Variants in JPH2 observed in about 807,000 individuals in gnomAD.
The protein encoded by JPH2 is junctophilin 2, also known as junctophilin-2.
In JPH2, 38 loss-of-function variants were observed where a neutral mutation model predicts 55.9. The ratio of observed to expected loss-of-function variants is 0.68; its 90% CI spans 0.52 to 0.89. The LOEUF (loss-of-function observed/expected upper bound fraction) is 0.89, where lower values mean the gene tolerates loss of function less well. JPH2 is among the 40% of genes least tolerant of loss of function. JPH2 has a pLI of 0.00. For missense variants in JPH2, 964 were observed against 1,037.6 expected, an observed-to-expected ratio of 0.93 and a Z score of 0.97; for synonymous variants, 480 against 472.4, an observed-to-expected ratio of 1.02 and a Z score of -0.21.
chr20:44,177,941 G>T lies in JPH2; in HGVS notation c.379+8386C>A. ...CTTCATTGTCTTGTTTCATTGTCTCGACCATATTCTGAGGGCGATTTTAAC... is the reference window on the plus strand; with the variant it reads ...CTTCATTGTCTTGTTTCATTGTCTCTACCATATTCTGAGGGCGATTTTAAC... On this transcript the variant is annotated intron_variant, in intron 1 of 5. Coordinates refer to ENST00000372980, the MANE Select transcript of JPH2 (RefSeq NM_020433.5). 2.2e-6 allele frequency: 3 copies of T among 1,379,382 alleles called. No homozygotes were observed. The South Asian group carries it at 3.5e-5, about 16-fold the overall frequency. The allele number at this position is 1,379,382 out of a possible 1,614,324, so 85.4% of individuals were successfully genotyped here.
At chr20:44,164,672 AAAC>A (rs2072641569) in intron 1 of JPH2, among the ~76,000 whole-genome samples, 1 of 5,640 alleles carries the variant, frequency 1.8e-4, no homozygotes, top group South Asian at 3.0e-3. Flanking sequence ...AAGCCTCAAA[AAAC>A]AAACAAACAA....
intron 2 of JPH2, among the ~76,000 whole-genome samples, chr20:44,148,811 C>T (rs1178848546): frequency 4.6e-5 from 7 of 152,076 alleles, no homozygotes; most frequent in Non-Finnish European, 1.0e-4. Context: ...CGCCTGTAAT[C>T]CCAGCACTTT....
In JPH2 at chr20:44,159,453, G is replaced by C. The variant is rs900188720; in HGVS notation, c.1169+165C>G. On this transcript the variant is annotated intron_variant, in intron 2 of 5. Transcript: ENST00000372980. The surrounding 1 kb of genome is among the most constrained non-coding windows in gnomAD (Gnocchi z 5.7). ...CTGAGTGATGGATGGATGGGTGAGT[G>C]AACAGGAGCCACCAGCTCCCGAAGA... Among the ~76,000 whole-genome samples the C allele has an allele frequency of 6.6e-6, 1 of 152,102 alleles. No individual in the cohort carries two copies. Among genetic ancestry groups the C allele is most frequent in the Non-Finnish European group, 1.5e-5 (1 of 68,000 alleles).
chr20:44,186,605 C>A lies in JPH2; in HGVS notation c.101G>T (p.Gly34Val). 1 of 1,613,412 alleles carries A rather than the reference C, an allele frequency of 6.2e-7. No individual in the cohort carries two copies. The highest frequency in any genetic ancestry group is 8.5e-7 in the Non-Finnish European group (1 of 1,180,022). Residue 34 changes from glycine (G) to valine (V), a missense_variant, in exon 1 of 6, where the codon GGC (glycine) becomes GTC (valine). Transcript: ENST00000372980. ...CCAGGAGCCAGAGTATTCGCCCTGG[C>A]CCTTGGGGCCTGTGCACAGTCCATG... is the stretch of plus-strand genomic sequence containing the variant. ...HGHGLCTGPK[G>V]QGEYSGSWNF...
chr20:44,184,197 T>C (rs2072811900), intron 1 of JPH2, among the ~76,000 whole-genome samples: 1 of 152,080 alleles, frequency 6.6e-6, no homozygotes, highest in Non-Finnish European at 1.5e-5. Context: ...GTAAATACTT[T>C]GGGTTTTGCA....
At chr20:44,154,905 A>G (rs2143494) in intron 2 of JPH2, among the ~76,000 whole-genome samples, 40,490 of 151,938 alleles carry the variant, frequency 0.27, 5,526 homozygotes, top group Admixed American at 0.35. Flanking sequence ...CAGACACACA[A>G]GGAATCCAAT....
rs1036744547 is a variant in JPH2, at chr20:44,160,623, T to C, written c.380-216A>G. Among the ~76,000 whole-genome samples the C allele has an allele frequency of 2.0e-5, 3 of 152,096 alleles. No individual in the cohort carries two copies. Among genetic ancestry groups the C allele is most frequent in the Non-Finnish European group, 4.4e-5 (3 of 68,004 alleles). ...GAGCCAGGAGGAGCTTGCACGATGG[T>C]AGGAATACGTTGGTGGGAACATGGC... On this transcript the variant is annotated intron_variant, in intron 1 of 5. Coordinates refer to ENST00000372980, the MANE Select transcript of JPH2 (RefSeq NM_020433.5). This position sits in a 1 kb window ranked among gnomAD's most constrained non-coding sequence, Gnocchi z 4.9.
intron 2 of JPH2, among the ~76,000 whole-genome samples, chr20:44,144,784 G>C (rs2072481906): frequency 2.0e-5 from 3 of 152,218 alleles, no homozygotes. Flanking sequence ...TCCTTCGTGA[G>C]GTTTACATGA....
chr20:44,129,341 G>T (rs139738553), intron 2 of JPH2, among the ~76,000 whole-genome samples: 12 of 152,126 alleles, frequency 7.9e-5, no homozygotes, highest in Admixed American at 5.9e-4. Context: ...GATCACTTGA[G>T]GTCAGGAGTT....
chr20:44,186,731 C>A lies in JPH2; in HGVS notation c.-26G>T, dbSNP rs376531411. 6.3e-7 allele frequency: 1 copy of A among 1,596,502 alleles called. No homozygotes were observed. Among genetic ancestry groups the A allele is most frequent in the African/African-American group, 1.3e-5 (1 of 74,848 alleles). ...CTCATCATAGCCCCTGACAACCTCC[C>A]CGTCCTCCAGCGTGGGTGCAGAGGG... On this transcript the variant is annotated 5_prime_UTR_variant, in exon 1 of 6. Coordinates refer to ENST00000372980, the MANE Select transcript of JPH2 (RefSeq NM_020433.5).
chr20:44,182,189 T>A (rs2072789714), intron 1 of JPH2, among the ~76,000 whole-genome samples: 1 of 151,998 alleles, frequency 6.6e-6, no homozygotes, highest in South Asian at 2.1e-4. Context: ...AATCACAGGA[T>A]CTTATTTGTC....
chr20:44,131,415 T>TACC (rs77136834), intron 2 of JPH2, among the ~76,000 whole-genome samples: 10 of 134,738 alleles, frequency 7.4e-5, no homozygotes, highest in African/African-American at 2.2e-4. Flanking sequence ...AGGACTCAGC[T>TACC]ATACCCTGAT....
intron 2 of JPH2, among the ~76,000 whole-genome samples, chr20:44,158,443 C>T (rs2072580878): frequency 6.6e-6 from 1 of 152,188 alleles, no homozygotes; most frequent in Non-Finnish European, 1.5e-5. Context: ...GACAAGTCAC[C>T]TTATCTCTCT....
At chr20:44,122,306 A>C (rs1600832971) in intron 2 of JPH2, among the ~76,000 whole-genome samples, 1 of 152,296 alleles carries the variant, frequency 6.6e-6, no homozygotes, top group East Asian at 1.9e-4. Context: ...ACAGTTTTAG[A>C]ATTAACAGGC....
chr20:44,141,654 C>T (rs574925852), intron 2 of JPH2, among the ~76,000 whole-genome samples: 48 of 151,924 alleles, frequency 3.2e-4, no homozygotes, highest in Non-Finnish European at 2.9e-4. Context: ...TGCTACCACG[C>T]CTAGCTAATA....
intron 2 of JPH2, among the ~76,000 whole-genome samples, chr20:44,151,460 C>G (rs988192917): frequency 6.6e-6 from 1 of 151,818 alleles, no homozygotes; most frequent in Non-Finnish European, 1.5e-5. Context: ...GAGGTTGCAG[C>G]GAGCCGAGAT....
In JPH2 at chr20:44,116,330, G is replaced by A; in HGVS notation, c.1345C>T (p.Leu449=). The change falls in exon 4 of 6, where the codon CTG becomes TTG. Residue 449 remains leucine, a synonymous_variant. Transcript: ENST00000372980. ...GCGCCCCGGTCGGGGGGCTCCAGCA[G>A]GCTCTCCGAGTTCTCCAGGATCTCC... is the stretch of plus-strand genomic sequence containing the variant. ...LQEILENSES[L]LEPPDRGAGA... The A allele has an allele frequency of 6.5e-7, 1 of 1,545,828 alleles. No homozygotes were observed. Among genetic ancestry groups the A allele is most frequent in the Non-Finnish European group, 8.7e-7 (1 of 1,146,396 alleles).
chr20:44,118,481 C>G, intron 3 of JPH2, 24 bp downstream of exon 3: 1 of 1,573,220 alleles, frequency 6.4e-7, no homozygotes, highest in Non-Finnish European at 8.7e-7. Flanking sequence ...CCTACCCTGC[C>G]CATCCTTCCC....
At chr20:44,121,799 C>G (rs888035199) in intron 2 of JPH2, among the ~76,000 whole-genome samples, 2 of 151,510 alleles carry the variant, frequency 1.3e-5, no homozygotes, top group Non-Finnish European at 2.9e-5. Flanking sequence ...CCAGCCTAAG[C>G]AACATACCAA....
Sources: allele counts gnomAD v4.1 joint callset (sites outside exome capture counted in the v4.1 genomes callset), GRCh38; gene constraint gnomAD v4.1.1; non-coding constraint Gnocchi (gnomAD v3.1); transcripts MANE v1.5; gene names NCBI Gene and HGNC (gene_info 2026-07-23, HGNC 2026-07-21).